The following ARHGEF7 variants were observed in gnomAD, a reference collection of about 807,000 sequenced individuals.
ARHGEF7 encodes PAK-interacting exchange factor beta.
A neutral mutation model predicts 109.8 loss-of-function variants in ARHGEF7; 33 were observed. The ratio of observed to expected loss-of-function variants is 0.30; its 90% confidence interval spans 0.23 to 0.40. ARHGEF7 has a LOEUF of 0.40. ARHGEF7 is among the 10% of genes least tolerant of loss of function. The probability of loss-of-function intolerance (pLI) is 1.00; values close to 1 mark genes in which losing one functional copy is unlikely to be tolerated. For missense variants in ARHGEF7, 938 were observed against 1,098.5 expected (o/e 0.85, Z 2.07); for synonymous variants, 458 against 424.6 (o/e 1.08, Z -0.97).
At chr13:111,225,504 G>GT (rs1193723290) in intron 5 of ARHGEF7, among the ~76,000 whole-genome samples, 7 of 149,820 alleles carry the variant, frequency 4.7e-5, no homozygotes, top group Admixed American at 4.7e-4. Context: ...CACTTTGCTT[G>GT]TTTTTTTGTT....
At chr13:111,240,518 A>T (rs965161834) in intron 6 of ARHGEF7, among the ~76,000 whole-genome samples, 2 of 152,054 alleles carry the variant, frequency 1.3e-5, no homozygotes, top group African/African-American at 2.4e-5. Flanking sequence ...AGCTTCTGGG[A>T]TTTCTTGTCA....
chr13:111,161,872 T>C lies in ARHGEF7; in HGVS notation c.252+7881T>C, dbSNP rs185335551. Among the ~76,000 whole-genome samples the C allele has an allele frequency of 2.0e-4, 31 of 152,338 alleles. No individual in the cohort carries two copies. The East Asian group carries it at 5.4e-3, about 27-fold the overall frequency. On this transcript the variant is annotated intron_variant, in intron 2 of 21. Transcript: ENST00000646102. Reference sequence around the variant, plus strand: ...AGTCTTTTCCCATGTTAAATAATTATTTTACTACTGATTTTAATGGCTGCC... The same window carrying C: ...AGTCTTTTCCCATGTTAAATAATTACTTTACTACTGATTTTAATGGCTGCC...
chr13:111,284,326 A>T (rs998006414), intron 16 of ARHGEF7, among the ~76,000 whole-genome samples: 3 of 152,222 alleles, frequency 2.0e-5, no homozygotes, highest in Non-Finnish European at 4.4e-5. Context: ...TAAGGCCCAC[A>T]GGAAAGTACT....
chr13:111,157,696 G>C (rs1055501565), intron 2 of ARHGEF7, among the ~76,000 whole-genome samples: 5 of 152,224 alleles, frequency 3.3e-5, no homozygotes, highest in African/African-American at 1.2e-4. Flanking sequence ...AACAGCTACA[G>C]AGAAATTCAG....
rs1030477247 is a variant in ARHGEF7, at chr13:111,228,810, G to A, written c.671-4395G>A. ...CACAGAGCCCCAGCACAGAAGGTCGGAAGAGGACGTGGGAATTCCGAGTTT... is the reference window on the plus strand; with the variant it reads ...CACAGAGCCCCAGCACAGAAGGTCGAAAGAGGACGTGGGAATTCCGAGTTT... On this transcript the variant is annotated intron_variant, in intron 5 of 21. Coordinates refer to ENST00000646102, the MANE Select transcript of ARHGEF7 (RefSeq NM_001354046.2). The surrounding 1 kb of genome is among the most constrained non-coding windows in gnomAD (Gnocchi z 4.6). Among the ~76,000 whole-genome samples the A allele has an allele frequency of 3.9e-5, 6 of 152,062 alleles. No individual in the cohort carries two copies. The highest frequency in any genetic ancestry group is 1.4e-4 in the African/African-American group (6 of 41,392).
Position 111,190,229 on chromosome 13 carries a change from G to A in ARHGEF7, c.253-15060G>A, listed in dbSNP as rs547306872. Reference sequence around the variant, plus strand: ...GGTTAAAAATACAGGGCCCGAAGGCGAGTAATAGCAAGATGGCTGCCACGG... The same window carrying A: ...GGTTAAAAATACAGGGCCCGAAGGCAAGTAATAGCAAGATGGCTGCCACGG... On this transcript the variant is annotated intron_variant, in intron 2 of 21. Transcript: ENST00000646102. Among the ~76,000 whole-genome samples, 353 of 152,290 alleles carry A rather than the reference G, an allele frequency of 2.3e-3. 1 individual carries two copies. Among genetic ancestry groups the A allele is most frequent in the African/African-American group, 6.3e-3 (263 of 41,546 alleles).
At chr13:111,193,993 T>TA (rs2080204183) in intron 2 of ARHGEF7, among the ~76,000 whole-genome samples, 1 of 152,206 alleles carries the variant, frequency 6.6e-6, no homozygotes, top group Non-Finnish European at 1.5e-5. Flanking sequence ...TAAACTTCCT[T>TA]TGGCACCTAG....
chr13:111,202,637 T>A (rs1594665139), intron 2 of ARHGEF7, among the ~76,000 whole-genome samples: 1 of 152,256 alleles, frequency 6.6e-6, no homozygotes, highest in Non-Finnish European at 1.5e-5. Flanking sequence ...GGGAACAATT[T>A]AGTGTGCTAA....
At chr13:111,275,910 C>T (rs2092449150) in intron 12 of ARHGEF7, 1 of 521,374 alleles carries the variant, frequency 1.9e-6, no homozygotes, top group Non-Finnish European at 3.4e-6. Flanking sequence ...GTCAGTGTGG[C>T]CCGAAGCCCA....
intron 2 of ARHGEF7, among the ~76,000 whole-genome samples, chr13:111,200,060 C>A (rs140871235): frequency 6.6e-6 from 1 of 152,136 alleles, no homozygotes; most frequent in Non-Finnish European, 1.5e-5. Flanking sequence ...GTGGACTACT[C>A]GGTGACTCCT....
At chr13:111,198,163 C>G (rs1234939847) in intron 2 of ARHGEF7, among the ~76,000 whole-genome samples, 2 of 152,140 alleles carry the variant, frequency 1.3e-5, no homozygotes, top group African/African-American at 2.4e-5. Flanking sequence ...TCCCAGAAAG[C>G]CTGACACGCG....
At chr13:111,268,311 G>C (rs186912468) in intron 9 of ARHGEF7, among the ~76,000 whole-genome samples, 77 of 152,252 alleles carry the variant, frequency 5.1e-4, no homozygotes, top group Non-Finnish European at 9.0e-4. Context: ...AGAGAGCTCA[G>C]AGGCTCACTT....
intron 5 of ARHGEF7, among the ~76,000 whole-genome samples, chr13:111,230,949 T>G (rs944944655): frequency 4.6e-5 from 7 of 152,362 alleles, no homozygotes; most frequent in African/African-American, 1.7e-4. Context: ...TTACAGTTCT[T>G]ATAGTAAATT....
At chr13:111,292,477 A>T in intron 19 of ARHGEF7, 183 bp downstream of exon 19, 1 of 1,438,374 alleles carries the variant, frequency 7.0e-7, no homozygotes, top group African/African-American at 1.4e-5. Context: ...TACTTTGTGG[A>T]GGCTTAACTG....
intron 5 of ARHGEF7, among the ~76,000 whole-genome samples, chr13:111,225,293 A>G (rs1307573636): frequency 2.0e-5 from 3 of 152,150 alleles, no homozygotes; most frequent in Admixed American, 2.0e-4. Context: ...TATTACTTAC[A>G]TGCCACATGC....
chr13:111,154,087 C>G, intron 2 of ARHGEF7, 96 bp downstream of exon 2: 1 of 1,245,632 alleles, frequency 8.0e-7, no homozygotes, highest in Non-Finnish European at 1.1e-6. Context: ...CTGCCTCCTC[C>G]GCGCCCGGAT....
chr13:111,234,858 CT>C (rs1261183069), intron 6 of ARHGEF7, among the ~76,000 whole-genome samples: 22 of 152,030 alleles, frequency 1.4e-4, no homozygotes, highest in African/African-American at 5.3e-4. Flanking sequence ...CACCTGCTTT[CT>C]GTCATCTCTC....
At chr13:111,178,742 CGTT>C (rs2078421899) in intron 2 of ARHGEF7, among the ~76,000 whole-genome samples, 1 of 152,148 alleles carries the variant, frequency 6.6e-6, no homozygotes, top group African/African-American at 2.4e-5. Flanking sequence ...CTAACTGTCT[CGTT>C]GTAGAATGGG....
chr13:111,158,051 A>G (rs1329038835), intron 2 of ARHGEF7, among the ~76,000 whole-genome samples: 1 of 152,248 alleles, frequency 6.6e-6, no homozygotes, highest in East Asian at 1.9e-4. Flanking sequence ...TTGATACATT[A>G]TTAAGCTCAC....
Sources: gnomAD v4.1 joint callset for allele counts (sites outside exome capture counted in the v4.1 genomes callset) on GRCh38, gnomAD v4.1.1 for gene constraint, Gnocchi (gnomAD v3.1) non-coding constraint, MANE v1.5 for transcripts, NCBI Gene and HGNC (gene_info 2026-07-23, HGNC 2026-07-21) for gene names.